Variants in CHST4 observed in about 807,000 individuals in gnomAD.
CHST4 encodes carbohydrate sulfotransferase 4, also known as GST-3.
For synonymous variants in CHST4, 171 were observed against 195.5 expected, an observed-to-expected ratio of 0.87 and a Z score of 1.05; for missense variants, 466 against 506.0, an observed-to-expected ratio of 0.92 and a Z score of 0.76.
chr16:71,531,628 G>A (rs769113847), intron 1 of CHST4, among the ~76,000 whole-genome samples: 11 of 152,166 alleles, frequency 7.2e-5, no homozygotes, highest in Non-Finnish European at 1.5e-4. Context: ...GGCAGGCAAG[G>A]AGGGTCCAGA....
intron 1 of CHST4, among the ~76,000 whole-genome samples, chr16:71,532,338 T>C (rs1030069477): frequency 6.6e-6 from 1 of 151,990 alleles, no homozygotes; most frequent in Admixed American, 6.6e-5. Flanking sequence ...TGAGCCACCA[T>C]GCCCGGCCTA....
chr16:71,534,236 T>A (rs1171919717), intron 1 of CHST4, among the ~76,000 whole-genome samples: 1 of 151,502 alleles, frequency 6.6e-6, no homozygotes, highest in Non-Finnish European at 1.5e-5. Flanking sequence ...TATTAAAAAC[T>A]TTTTAGGCTG....
intron 1 of CHST4, among the ~76,000 whole-genome samples, chr16:71,533,880 A>T (rs1209490632): frequency 6.6e-6 from 1 of 151,652 alleles, no homozygotes; most frequent in Non-Finnish European, 1.5e-5. Context: ...CATCTCTACT[A>T]AAATACAAAA....
chr16:71,536,158 T>G (rs2145207268), intron 1 of CHST4, among the ~76,000 whole-genome samples: 1 of 152,288 alleles, frequency 6.6e-6, no homozygotes, highest in South Asian at 2.1e-4. Context: ...CAGTCTTGGT[T>G]GCAGTCTCCC....
In CHST4 at chr16:71,538,100, G is replaced by T; in HGVS notation, c.*262G>T. 4.0e-6 allele frequency: 2 copies of T among 501,116 alleles called. No homozygotes were observed. The highest frequency in any genetic ancestry group is 7.3e-6 in the Non-Finnish European group (2 of 275,302). The allele number at this position is 501,116 out of a possible 1,614,324, so 31.0% of individuals were successfully genotyped here. ...CTCTTCTTCTTTTCTTGATCTTCCT[G>T]TCTGGGCAGACTTCAGAGACTTTGT... is the stretch of plus-strand genomic sequence containing the variant. On this transcript the variant is annotated 3_prime_UTR_variant, in exon 2 of 2. Transcript: ENST00000539698.
chr16:71,532,560 T>C (rs1768933817), intron 1 of CHST4, among the ~76,000 whole-genome samples: 1 of 152,198 alleles, frequency 6.6e-6, no homozygotes, highest in African/African-American at 2.4e-5. Flanking sequence ...GCTTGAGTCA[T>C]TACATACTTC....
chr16:71,528,623 C>T (rs8060844), intron 1 of CHST4, among the ~76,000 whole-genome samples: 5,800 of 152,218 alleles, frequency 0.038, 367 homozygotes, highest in African/African-American at 0.13. Flanking sequence ...CCCAATCCAA[C>T]CCCATTCTCT....
intron 1 of CHST4, among the ~76,000 whole-genome samples, chr16:71,533,426 C>CAAA (rs11299179): frequency 1.0e-5 from 1 of 98,442 alleles, no homozygotes; most frequent in Non-Finnish European, 2.0e-5. Flanking sequence ...GACTCTGTCT[C>CAAA]AAAAAAAAAA....
intron 1 of CHST4, among the ~76,000 whole-genome samples, chr16:71,529,697 G>A (rs1020086157): frequency 6.6e-6 from 1 of 151,738 alleles, no homozygotes; most frequent in African/African-American, 2.4e-5. Context: ...TTAATGAGCC[G>A]AGCCCTGATC....
intron 1 of CHST4, among the ~76,000 whole-genome samples, chr16:71,535,000 C>T (rs2043976879): frequency 6.6e-6 from 1 of 152,224 alleles, no homozygotes; most frequent in South Asian, 2.1e-4. Context: ...AACATTCTAG[C>T]ATACCACTGG....
At chr16:71,529,017 C>T (rs895918156) in intron 1 of CHST4, among the ~76,000 whole-genome samples, 3 of 151,740 alleles carry the variant, frequency 2.0e-5, no homozygotes, top group East Asian at 1.9e-4. Flanking sequence ...GTTCACCCAT[C>T]GTTGGGGCAA....
intron 1 of CHST4, among the ~76,000 whole-genome samples, chr16:71,527,484 C>T (rs541966176): frequency 6.6e-6 from 1 of 152,264 alleles, no homozygotes; most frequent in African/African-American, 2.4e-5. Context: ...CGATGGCTCG[C>T]GCCTGTAATC....
chr16:71,528,688 T>A (rs930700275), intron 1 of CHST4, among the ~76,000 whole-genome samples: 2 of 152,208 alleles, frequency 1.3e-5, no homozygotes, highest in African/African-American at 4.8e-5. Context: ...GTAAGGGGCA[T>A]AATCTCATGG....
intron 1 of CHST4, among the ~76,000 whole-genome samples, chr16:71,528,963 TG>T (rs1236240514): frequency 6.6e-6 from 1 of 152,190 alleles, no homozygotes; most frequent in Non-Finnish European, 1.5e-5. Flanking sequence ...AAGGTTCTCT[TG>T]ACTCCTCAGA....
chr16:71,531,242 A>G (rs1378860647), intron 1 of CHST4, among the ~76,000 whole-genome samples: 2 of 152,122 alleles, frequency 1.3e-5, no homozygotes, highest in Non-Finnish European at 2.9e-5. Flanking sequence ...GTCTCCTTCC[A>G]TGAAGCGCCC....
rs780238803 is a variant in CHST4, at chr16:71,536,833, C to T, written c.156C>T (p.Arg52=). The change falls in exon 2 of 2, where the codon CGC becomes CGT. Residue 52 remains arginine (R), a synonymous_variant. Transcript: ENST00000539698. ...ACGTGCTGGTTCTGTCTTCCTGGCG[C>T]TCTGGCTCTTCTTTTGTGGGGCAGC... ...RMHVLVLSSW[R]SGSSFVGQLF... The T allele has an allele frequency of 6.5e-7, 1 of 1,542,690 alleles. No homozygotes were observed. Among genetic ancestry groups the T allele is most frequent in the Non-Finnish European group, 8.7e-7 (1 of 1,145,280 alleles).
intron 1 of CHST4, among the ~76,000 whole-genome samples, chr16:71,532,343 G>A (rs190785884): frequency 2.0e-3 from 302 of 152,076 alleles, no homozygotes; most frequent in African/African-American, 6.8e-3. Flanking sequence ...CACCATGCCC[G>A]GCCTAGCTGG....
chr16:71,535,036 A>G (rs1237945215), intron 1 of CHST4, among the ~76,000 whole-genome samples: 2 of 152,372 alleles, frequency 1.3e-5, no homozygotes, highest in East Asian at 3.9e-4. Flanking sequence ...CACACGAAGC[A>G]AGCCCTGATT....
chr16:71,533,459 T>A (rs1211260353), intron 1 of CHST4, among the ~76,000 whole-genome samples: 1 of 149,712 alleles, frequency 6.7e-6, no homozygotes, highest in Non-Finnish European at 1.5e-5. Flanking sequence ...AAAAACGTAG[T>A]TGCTATGTGC....
Sources: gnomAD v4.1 joint callset for allele counts (sites outside exome capture counted in the v4.1 genomes callset) on GRCh38, gnomAD v4.1.1 for gene constraint, MANE v1.5 for transcripts, NCBI Gene and HGNC (gene_info 2026-07-23, HGNC 2026-07-21) for gene names.